SV2C: variants seen among roughly 807,000 people sequenced by gnomAD.
SV2C encodes the protein synaptic vesicle glycoprotein 2C.
Under a neutral mutation model 79.7 loss-of-function variants are expected in SV2C, and 49 were observed. The observed-to-expected ratio is 0.61, with a 90% CI of 0.49 to 0.78. SV2C has a LOEUF of 0.78. Ranked by LOEUF, SV2C falls within the 30% of genes least tolerant of loss-of-function variation. SV2C has a pLI of 0.00. For synonymous variants in SV2C, 334 were observed against 333.2 expected, an observed-to-expected ratio of 1.00 and a Z score of -0.03; for missense variants, 833 against 912.9, an observed-to-expected ratio of 0.91 and a Z score of 1.13.
chr5:76,340,633 T>C (rs1749424067), intron 12 of SV2C, among the ~76,000 whole-genome samples: 1 of 152,148 alleles, frequency 6.6e-6, no homozygotes, highest in African/African-American at 2.4e-5. Context: ...CCTCTTAGCC[T>C]ATCCGCAAAA....
chr5:76,323,878 G>A (rs774724872), intron 12 of SV2C, among the ~76,000 whole-genome samples: 7 of 152,100 alleles, frequency 4.6e-5, no homozygotes, highest in Non-Finnish European at 8.8e-5. Context: ...CACACACCAG[G>A]GCCTGTTTAG....
the SV2C span, among the ~76,000 whole-genome samples, chr5:75,881,900 T>G: frequency 1.4e-5 from 2 of 146,532 alleles, no homozygotes; most frequent in African/African-American, 5.2e-5. Flanking sequence ...ATGCTTCCAG[T>G]TTTTGCCCAT....
chr5:75,916,696 A>G, the SV2C span, among the ~76,000 whole-genome samples: 3 of 152,206 alleles, frequency 2.0e-5, no homozygotes, highest in South Asian at 2.1e-4. Context: ...GCTGGTCTTG[A>G]ACTCCTGATC....
Position 76,351,242 on chromosome 5 carries a change from T to C in SV2C, c.2001-1888T>C, listed in dbSNP as rs116462184. On this transcript the variant is annotated intron_variant, in intron 12 of 12. Coordinates refer to the SV2C transcript ENST00000322285. Reference sequence around the variant, plus strand: ...AGAAGAGTCACTTGAGCTTAGGGGTTTGAGACCAGACTGGGCAACATAGTG... The same window carrying C: ...AGAAGAGTCACTTGAGCTTAGGGGTCTGAGACCAGACTGGGCAACATAGTG... Among the ~76,000 whole-genome samples the C allele has an allele frequency of 9.3e-3, 1,420 of 152,136 alleles. 21 individuals are homozygous for C. The highest frequency in any genetic ancestry group is 0.032 in the African/African-American group (1,343 of 41,494).
the SV2C span, among the ~76,000 whole-genome samples, chr5:76,009,100 A>C: frequency 3.2e-3 from 480 of 152,244 alleles, 2 homozygotes; most frequent in African/African-American, 0.011. Flanking sequence ...AATGCTCAAT[A>C]TCCTTCCTTG....
intron 12 of SV2C, among the ~76,000 whole-genome samples, chr5:76,342,512 G>T (rs1201827694): frequency 6.6e-6 from 1 of 152,214 alleles, no homozygotes; most frequent in Non-Finnish European, 1.5e-5. Context: ...ACACAGGAAG[G>T]TACCACAGGA....
intron 1 of SV2C, among the ~76,000 whole-genome samples, chr5:76,096,928 ACTT>A (rs1399179164): frequency 5.3e-5 from 8 of 152,120 alleles, no homozygotes; most frequent in Admixed American, 3.9e-4. Context: ...CTGGGTCTGC[ACTT>A]CTTAGCCTCC....
chr5:76,325,290 A>G (rs2112565811), intron 12 of SV2C, 74 bp from the exon 13 acceptor site: 1 of 1,456,958 alleles, frequency 6.9e-7, no homozygotes, highest in East Asian at 2.3e-5. Context: ...TTGAAAATCT[A>G]GGATCTTTTG....
At chr5:75,952,876 C>A in the SV2C span, among the ~76,000 whole-genome samples, 8 of 151,956 alleles carry the variant, frequency 5.3e-5, no homozygotes, top group Admixed American at 2.6e-4. Context: ...ATTATAATGC[C>A]TCACAAATTT....
At chr5:75,897,468 T>C in the SV2C span, among the ~76,000 whole-genome samples, 1 of 152,072 alleles carries the variant, frequency 6.6e-6, no homozygotes, top group Admixed American at 6.5e-5. Flanking sequence ...TTGGTTACTG[T>C]AGCCTTGTAG....
intron 2 of SV2C, among the ~76,000 whole-genome samples, chr5:76,163,101 C>G (rs145798766): frequency 6.1e-4 from 93 of 152,336 alleles, no homozygotes; most frequent in African/African-American, 1.9e-3. Flanking sequence ...CTGGGCCTGA[C>G]CCTGCCCAGT....
chr5:76,132,005 T>C lies in SV2C; in HGVS notation c.255T>C (p.Asp85=). 1 of 1,613,536 alleles carries C rather than the reference T, an allele frequency of 6.2e-7. No homozygotes were observed. Among genetic ancestry groups the C allele is most frequent in the Admixed American group, 1.7e-5 (1 of 59,986 alleles). The change falls in exon 2 of 13, where the codon GAT becomes GAC. Residue 85 remains aspartate, a synonymous_variant. Transcript: ENST00000502798. The stretch of plus-strand genomic sequence containing the variant: ...AAGCCACTGAGGGGCATGATGAAGA[T>C]GATGAGATCTATGAGGGGGAGTATC... ...SSEATEGHDE[D]DEIYEGEYQG...
intron 1 of SV2C, among the ~76,000 whole-genome samples, chr5:76,125,233 C>A (rs1248139840): frequency 6.6e-6 from 1 of 152,184 alleles, no homozygotes; most frequent in East Asian, 1.9e-4. Context: ...TATAGCAAGT[C>A]TGTTTAAAAA....
chr5:76,241,512 C>G (rs561188432), intron 4 of SV2C, among the ~76,000 whole-genome samples: 2 of 152,320 alleles, frequency 1.3e-5, no homozygotes, highest in Admixed American at 1.3e-4. Flanking sequence ...GATCCATAAT[C>G]TAGAAACAGA....
At chr5:76,013,684 A>C in the SV2C span, among the ~76,000 whole-genome samples, 1 of 152,148 alleles carries the variant, frequency 6.6e-6, no homozygotes, top group Non-Finnish European at 1.5e-5. Context: ...AAAGAAAGTA[A>C]TTTATAAAAA....
chr5:76,032,113 T>C, the SV2C span, among the ~76,000 whole-genome samples: 29 of 152,348 alleles, frequency 1.9e-4, no homozygotes, highest in African/African-American at 7.0e-4. Context: ...GCACAGATTA[T>C]TAAGTGATAA....
At chr5:76,012,011 G>C in the SV2C span, among the ~76,000 whole-genome samples, 1 of 152,130 alleles carries the variant, frequency 6.6e-6, no homozygotes, top group African/African-American at 2.4e-5. Context: ...GTCTATCATT[G>C]ATGGGCATTT....
chr5:76,031,479 G>T, the SV2C span, among the ~76,000 whole-genome samples: 2 of 152,168 alleles, frequency 1.3e-5, no homozygotes, highest in African/African-American at 2.4e-5. Context: ...GCCTGCCAGG[G>T]GCTGCTCCCA....
At chr5:76,085,113 A>C (rs1747139836) in intron 1 of SV2C, among the ~76,000 whole-genome samples, 1 of 152,222 alleles carries the variant, frequency 6.6e-6, no homozygotes, top group African/African-American at 2.4e-5. Flanking sequence ...AATTCTGAAG[A>C]ATGTGGCATT....
Sources: allele counts gnomAD v4.1 joint callset (sites outside exome capture counted in the v4.1 genomes callset), GRCh38; gene constraint gnomAD v4.1.1; transcripts MANE v1.5; gene names NCBI Gene and HGNC (gene_info 2026-07-23, HGNC 2026-07-21).